Variants in LIPK observed in about 807,000 individuals in gnomAD.
The protein encoded by LIPK is lipase family member K, also known as lipase member K.
In LIPK, 32 loss-of-function variants were observed where a neutral mutation model predicts 48.6. The ratio of observed to expected loss-of-function variants is 0.66; its 90% CI spans 0.50 to 0.88. The LOEUF (loss-of-function observed/expected upper bound fraction) is 0.88, where lower values mean the gene tolerates loss of function less well. Ranked by LOEUF, LIPK falls within the 40% of genes least tolerant of loss-of-function variation. The probability of loss-of-function intolerance (pLI) is 0.00; values close to 1 mark genes in which losing one functional copy is unlikely to be tolerated. For missense variants in LIPK, 507 were observed against 478.5 expected (o/e 1.06, Z -0.56); for synonymous variants, 164 against 157.4 (o/e 1.04, Z -0.32).
intron 1 of LIPK, among the ~76,000 whole-genome samples, chr10:88,723,896 T>C (rs1842282405): frequency 6.6e-6 from 1 of 152,084 alleles, no homozygotes; most frequent in Admixed American, 6.5e-5. Flanking sequence ...AAGCATAATA[T>C]TTGATGACTG....
chr10:88,711,923 G>C (rs1247366532), intron 1 of LIPK, among the ~76,000 whole-genome samples: 2 of 151,988 alleles, frequency 1.3e-5, no homozygotes, highest in Non-Finnish European at 2.9e-5. Flanking sequence ...TAAGCTTTTA[G>C]TTTTAGATTT....
At chr10:88,707,023 C>T (rs1033757206) in intron 1 of LIPK, among the ~76,000 whole-genome samples, 1 of 152,070 alleles carries the variant, frequency 6.6e-6, no homozygotes, top group African/African-American at 2.4e-5. Context: ...ACTGGATGGA[C>T]TAATATTCCC....
At position 88,731,122 on chromosome 10, in the gene LIPK, C is replaced by T. The variant is rs772297364; in HGVS notation, c.363C>T (p.Asn121=). The T allele has an allele frequency of 2.5e-6, 4 of 1,604,620 alleles. No individual in the cohort carries two copies. In the African/African-American group the frequency reaches 5.4e-5, roughly 21 times the overall value. The change falls in exon 4 of 10, where the codon AAC becomes AAT. Residue 121 remains asparagine, a synonymous_variant. Transcript: ENST00000404190. Reference sequence around the variant, plus strand: ...TGTGGTTGGGGAACAGCCGAGGAAACACTTGGTCCAGAAAACACCTTAAAT... The same window carrying T: ...TGTGGTTGGGGAACAGCCGAGGAAATACTTGGTCCAGAAAACACCTTAAAT... ...YDVWLGNSRG[N]TWSRKHLKLS... is the part of the protein sequence containing the mutation.
chr10:88,745,689 A>G (rs1490142557), intron 9 of LIPK, among the ~76,000 whole-genome samples: 1 of 152,248 alleles, frequency 6.6e-6, no homozygotes, highest in East Asian at 1.9e-4. Context: ...TTAAATACAT[A>G]GACCGTTGAC....
At chr10:88,735,648 G>A (rs1460401298) in intron 6 of LIPK, among the ~76,000 whole-genome samples, 1 of 152,264 alleles carries the variant, frequency 6.6e-6, no homozygotes. Flanking sequence ...CCCTGGCATG[G>A]GGCCATGTTG....
intron 2 of LIPK, among the ~76,000 whole-genome samples, chr10:88,726,476 A>C (rs1367766678): frequency 1.3e-5 from 2 of 152,330 alleles, no homozygotes; most frequent in Non-Finnish European, 2.9e-5. Flanking sequence ...GAATGCCTTG[A>C]GCTGAGGAGT....
intron 1 of LIPK, among the ~76,000 whole-genome samples, chr10:88,712,824 G>A (rs1842049262): frequency 1.3e-5 from 2 of 152,158 alleles, no homozygotes; most frequent in Non-Finnish European, 2.9e-5. Context: ...GAAAGAGAAA[G>A]CTTTGAAATA....
At chr10:88,710,964 C>T (rs893610870) in intron 1 of LIPK, among the ~76,000 whole-genome samples, 1 of 152,122 alleles carries the variant, frequency 6.6e-6, no homozygotes, top group Non-Finnish European at 1.5e-5. Flanking sequence ...TCTTCCCCAA[C>T]ATTTGGTGCA....
intron 1 of LIPK, among the ~76,000 whole-genome samples, chr10:88,723,014 A>G (rs969991182): frequency 6.7e-6 from 1 of 149,890 alleles, no homozygotes; most frequent in African/African-American, 2.5e-5. Flanking sequence ...CCCCATGAGT[A>G]GCTGGGACTA....
intron 9 of LIPK, among the ~76,000 whole-genome samples, chr10:88,744,935 A>C (rs1224318653): frequency 3.3e-5 from 5 of 152,234 alleles, no homozygotes; most frequent in Non-Finnish European, 7.3e-5. Flanking sequence ...AGAAATAACC[A>C]AATTGATCTG....
intron 1 of LIPK, among the ~76,000 whole-genome samples, chr10:88,719,670 C>T (rs1321236320): frequency 6.6e-6 from 1 of 152,102 alleles, no homozygotes; most frequent in African/African-American, 2.4e-5. Context: ...GTCTTTGTAC[C>T]TGCACACTCT....
chr10:88,733,766 C>T (rs550161493), intron 6 of LIPK, among the ~76,000 whole-genome samples: 3 of 152,154 alleles, frequency 2.0e-5, no homozygotes, highest in East Asian at 1.9e-4. Context: ...CATACCCTGA[C>T]GTGTGTAGGA....
chr10:88,709,109 C>G (rs1841983064), intron 1 of LIPK, among the ~76,000 whole-genome samples: 1 of 152,092 alleles, frequency 6.6e-6, no homozygotes, highest in African/African-American at 2.4e-5. Flanking sequence ...TTAAATTCTG[C>G]ATCCATTGAT....
intron 1 of LIPK, among the ~76,000 whole-genome samples, chr10:88,722,252 A>G (rs773929028): frequency 4.6e-5 from 7 of 152,152 alleles, no homozygotes; most frequent in Non-Finnish European, 8.8e-5. Flanking sequence ...CCGGGGTCGC[A>G]CCATTATACT....
chr10:88,743,012 G>C (rs1296849492), intron 8 of LIPK, among the ~76,000 whole-genome samples: 1 of 152,118 alleles, frequency 6.6e-6, no homozygotes, highest in Admixed American at 6.5e-5. Flanking sequence ...GGATTTAAAT[G>C]AAAAATCTGA....
intron 9 of LIPK, among the ~76,000 whole-genome samples, chr10:88,751,176 C>T (rs188372652): frequency 9.2e-5 from 14 of 151,694 alleles, no homozygotes; most frequent in South Asian, 2.1e-4. Context: ...ACCAGATCTA[C>T]GAAAACTTTT....
chr10:88,744,076 C>T (rs12411950), intron 9 of LIPK, among the ~76,000 whole-genome samples: 1 of 152,228 alleles, frequency 6.6e-6, no homozygotes, highest in Non-Finnish European at 1.5e-5. Context: ...ACTGTTGAAC[C>T]TGAACAGAAC....
At chr10:88,746,632 A>G (rs1484376447) in intron 9 of LIPK, among the ~76,000 whole-genome samples, 1 of 152,212 alleles carries the variant, frequency 6.6e-6, no homozygotes, top group African/African-American at 2.4e-5. Context: ...TTAAGAGGAA[A>G]GCTTATAGTG....
At chr10:88,726,543 A>G (rs437261) in intron 2 of LIPK, among the ~76,000 whole-genome samples, 118,155 of 152,092 alleles carry the variant, frequency 0.78, 46,890 homozygotes, top group East Asian at 1. Context: ...CATACAAAAA[A>G]TGTAGCTGGC....
Sources: gnomAD v4.1 joint callset for allele counts (sites outside exome capture counted in the v4.1 genomes callset) on GRCh38, gnomAD v4.1.1 for gene constraint, MANE v1.5 for transcripts, NCBI Gene and HGNC (gene_info 2026-07-23, HGNC 2026-07-21) for gene names.